The following ITPK1 variants were observed in gnomAD, a reference collection of about 807,000 sequenced individuals.
ITPK1 encodes the protein inositol 1,3,4-trisphosphate 5/6-kinase.
In ITPK1, 21 loss-of-function variants were observed where a neutral mutation model predicts 45.3. The observed-to-expected ratio is 0.46, with a 90% CI of 0.33 to 0.67. The LOEUF (loss-of-function observed/expected upper bound fraction) is 0.67. Ranked by LOEUF, ITPK1 falls within the 30% of genes least tolerant of loss-of-function variation. ITPK1 has a pLI of 0.02. For missense variants in ITPK1, 474 were observed against 573.5 expected, an observed-to-expected ratio of 0.83 and a Z score of 1.77; for synonymous variants, 258 against 253.6, an observed-to-expected ratio of 1.02 and a Z score of -0.16.
chr14:93,065,384 T>C (rs1454693491), intron 3 of ITPK1, among the ~76,000 whole-genome samples: 1 of 152,214 alleles, frequency 6.6e-6, no homozygotes, highest in East Asian at 1.9e-4. Context: ...ACAATGATGG[T>C]GGTGGAGGTG....
chr14:92,960,181 G>A (rs1220851482), intron 7 of ITPK1, among the ~76,000 whole-genome samples: 1 of 152,212 alleles, frequency 6.6e-6, no homozygotes, highest in Non-Finnish European at 1.5e-5. Context: ...CAGCCGGCTG[G>A]GGAGTAGAGG....
At chr14:92,980,427 C>G (rs1886165135) in intron 5 of ITPK1, among the ~76,000 whole-genome samples, 2 of 152,178 alleles carry the variant, frequency 1.3e-5, no homozygotes. Flanking sequence ...GTGGAGGGGG[C>G]CTGTACCACC....
intron 5 of ITPK1, among the ~76,000 whole-genome samples, chr14:92,964,637 C>T (rs78098738): frequency 1.6e-4 from 25 of 152,312 alleles, no homozygotes; most frequent in Non-Finnish European, 2.6e-4. Context: ...AGGCTTCGGA[C>T]GGGCGCTCAC....
intron 5 of ITPK1, among the ~76,000 whole-genome samples, chr14:92,981,504 C>T (rs1190970874): frequency 6.6e-6 from 1 of 152,196 alleles, no homozygotes; most frequent in Non-Finnish European, 1.5e-5. Flanking sequence ...CAGGACCACC[C>T]CTTCCTGTGG....
intron 3 of ITPK1, among the ~76,000 whole-genome samples, chr14:93,018,543 A>C (rs548501471): frequency 1.1e-4 from 17 of 152,288 alleles, no homozygotes; most frequent in Non-Finnish European, 4.4e-5. Flanking sequence ...GAAAAAAAAA[A>C]TATCCTTTAG....
intron 5 of ITPK1, among the ~76,000 whole-genome samples, chr14:92,971,500 A>C (rs78519139): frequency 0.015 from 2,265 of 151,324 alleles, 32 homozygotes; most frequent in Non-Finnish European, 0.025. Context: ...TGCATGAAAA[A>C]CTCGCCGTAC....
Position 92,958,685 on chromosome 14 carries a change from C to T in ITPK1, c.505-319G>A, listed in dbSNP as rs975495455. Among the ~76,000 whole-genome samples, 1 of 152,162 alleles carries T rather than the reference C, an allele frequency of 6.6e-6. No homozygotes were observed. The highest frequency in any genetic ancestry group is 2.4e-5 in the African/African-American group (1 of 41,426). On this transcript the variant is annotated intron_variant, in intron 7 of 10. Transcript: ENST00000267615. This position sits in a 1 kb window ranked among gnomAD's most constrained non-coding sequence, Gnocchi z 4.4. ...CGCACTGTGGTCCAGGGAAGGGGGC[C>T]GCTGAGGTTGTGTGCTGCTCAACCC...
chr14:92,982,565 G>A (rs994088068), intron 5 of ITPK1, among the ~76,000 whole-genome samples: 2 of 152,188 alleles, frequency 1.3e-5, no homozygotes, highest in Non-Finnish European at 2.9e-5. Flanking sequence ...AGGGCCTCCA[G>A]AAGATCACCT....
intron 2 of ITPK1, among the ~76,000 whole-genome samples, chr14:93,085,147 T>C (rs1418467780): frequency 2.0e-5 from 3 of 152,246 alleles, no homozygotes; most frequent in Non-Finnish European, 2.9e-5. Context: ...AATTTGGATT[T>C]TCCTCCTATT....
At chr14:93,072,763 A>G (rs888280296) in intron 3 of ITPK1, among the ~76,000 whole-genome samples, 1 of 151,920 alleles carries the variant, frequency 6.6e-6, no homozygotes, top group Non-Finnish European at 1.5e-5. Context: ...ACCACACCCA[A>G]CTAATTTTTT....
In ITPK1 at chr14:93,016,583, T is replaced by G; in HGVS notation, c.246+93A>C. The G allele has an allele frequency of 7.1e-7, 1 of 1,412,752 alleles. No homozygotes were observed. Among genetic ancestry groups the G allele is most frequent in the Non-Finnish European group, 9.8e-7 (1 of 1,021,780 alleles). The allele number at this position is 1,412,752 out of a possible 1,614,324, so 87.5% of individuals were successfully genotyped here. A position where few individuals can be genotyped will look rare whatever the true frequency, so the allele number is the denominator to read the frequency against. On this transcript the variant is annotated intron_variant, in intron 4 of 10. Transcript: ENST00000267615. The surrounding 1 kb of genome is among the most constrained non-coding windows in gnomAD (Gnocchi z 5.0). ...TCTCCAGACTATACCTCCAGAGAGC[T>G]GCTACCGCCCTAAATACACACACGG... is the stretch of plus-strand genomic sequence containing the variant.
rs1357602590 is a variant in ITPK1 at position 93,036,442 on chromosome 14, G to A, written c.121-19641C>T. On this transcript the variant is annotated intron_variant, in intron 3 of 10. Coordinates refer to ENST00000267615, the MANE Select transcript of ITPK1 (RefSeq NM_014216.6). The surrounding 1 kb of genome is among the most constrained non-coding windows in gnomAD (Gnocchi z 4.1). ...CCTCAGTATTCACGGCTGCTTTCCC[G>A]CACGTCAGACACAGCCAACAATGAC... 1.3e-5 allele frequency among the ~76,000 whole-genome samples: 2 copies of A among 152,156 alleles called. No homozygotes were observed. The highest frequency in any genetic ancestry group is 2.4e-5 in the African/African-American group (1 of 41,418).
intron 3 of ITPK1, among the ~76,000 whole-genome samples, chr14:93,018,732 C>G (rs1463643471): frequency 6.6e-6 from 1 of 152,178 alleles, no homozygotes; most frequent in Admixed American, 6.5e-5. Flanking sequence ...AGACTTGGCG[C>G]CGGCTCATCC....
intron 3 of ITPK1, among the ~76,000 whole-genome samples, chr14:93,022,812 C>A (rs764379850): frequency 1.3e-5 from 2 of 151,814 alleles, no homozygotes; most frequent in Non-Finnish European, 2.9e-5. Context: ...AGGCGTGAGC[C>A]ACTGTGCCTG....
At chr14:92,987,806 G>A (rs1886567113) in intron 5 of ITPK1, among the ~76,000 whole-genome samples, 1 of 152,202 alleles carries the variant, frequency 6.6e-6, no homozygotes, top group Admixed American at 6.5e-5. Flanking sequence ...ATGCTCTGGG[G>A]CACCATTTCT....
rs188222171 is a variant in ITPK1, at chr14:92,979,695, T to C, written c.364+14185A>G. 5.0e-3 allele frequency among the ~76,000 whole-genome samples: 750 copies of C among 151,422 alleles called. 6 individuals carry two copies. The highest frequency in any genetic ancestry group is 6.8e-3 in the Non-Finnish European group (460 of 68,014). ...ACTTCCCCTTTGCCTTCCGCCATGA[T>C]TGTAAGTTTCCTGAGGCCTCCCTGG... On this transcript the variant is annotated intron_variant, in intron 5 of 10. Coordinates refer to ENST00000267615, the MANE Select transcript of ITPK1 (RefSeq NM_014216.6).
rs1435663918 is a variant in ITPK1, at chr14:92,938,295, C to T, written c.*3266G>A. ...GAATAGAAGAGAGGGCAGATACAGA[C>T]CCCAGGGACATTAGTGAAGCCATTC... On this transcript the variant is annotated 3_prime_UTR_variant, in exon 11 of 11. Transcript: ENST00000267615. 5 of 634,938 alleles carry T rather than the reference C, an allele frequency of 7.9e-6. No individual in the cohort carries two copies. Among genetic ancestry groups the T allele is most frequent in the South Asian group, 1.9e-5 (1 of 53,934 alleles). The allele number at this position is 634,938 out of a possible 1,614,324, so 39.3% of individuals were successfully genotyped here. A position where few individuals can be genotyped will look rare whatever the true frequency, so the allele number is the denominator to read the frequency against.
intron 3 of ITPK1, among the ~76,000 whole-genome samples, chr14:93,055,918 G>A (rs1046826856): frequency 2.0e-5 from 3 of 152,224 alleles, no homozygotes; most frequent in South Asian, 2.1e-4. Context: ...CCCAGCAGAC[G>A]GGAGGAGCAG....
At chr14:93,081,986 G>T (rs1020010164) in intron 2 of ITPK1, among the ~76,000 whole-genome samples, 2 of 152,186 alleles carry the variant, frequency 1.3e-5, no homozygotes, top group African/African-American at 4.8e-5. Flanking sequence ...CTAGGGCAGG[G>T]CCTGGGAAGG....
Sources: gnomAD v4.1 joint callset for allele counts (sites outside exome capture counted in the v4.1 genomes callset) on GRCh38, gnomAD v4.1.1 for gene constraint, Gnocchi (gnomAD v3.1) non-coding constraint, MANE v1.5 for transcripts, NCBI Gene and HGNC (gene_info 2026-07-23, HGNC 2026-07-21) for gene names.